Variants in CELF2 observed in about 807,000 individuals in gnomAD.
The protein encoded by CELF2 is CUGBP Elav-like family member 2.
CELF2 carries 8 observed loss-of-function variants against 62.6 expected under a neutral mutation model. The ratio of observed to expected loss-of-function variants is 0.13; its 90% CI spans 0.07 to 0.23. The LOEUF (loss-of-function observed/expected upper bound fraction) is 0.23, where lower values mean the gene tolerates loss of function less well. Ranked by LOEUF, CELF2 falls within the 10% of genes least tolerant of loss-of-function variation. CELF2 has a pLI of 1.00. For synonymous variants in CELF2, 258 were observed against 250.0 expected, an observed-to-expected ratio of 1.03 and a Z score of -0.30; for missense variants, 333 against 671.0, an observed-to-expected ratio of 0.50 and a Z score of 5.56.
Position 11,285,143 on chromosome 10 carries a change from GGATGGATGGATGGGCA to G in CELF2, c.842-3271_842-3256del, listed in dbSNP as rs2090790660. ...ATGATGGATATATGGATGGATGGTT[GGATGGATGGATGGGCA>G]GATAGATGGACGAGCAAATATGGAT... On this transcript the variant is annotated intron_variant, in intron 8 of 12. Transcript: ENST00000633077. This position sits in a 1 kb window ranked among gnomAD's most constrained non-coding sequence, Gnocchi z 4.3. Among the ~76,000 whole-genome samples the G allele has an allele frequency of 1.3e-5, 2 of 151,712 alleles. No homozygotes were observed. The highest frequency in any genetic ancestry group is 1.3e-4 in the Admixed American group (2 of 15,252).
intron 1 of CELF2, among the ~76,000 whole-genome samples, chr10:11,162,201 C>T (rs1032495306): frequency 9.9e-5 from 15 of 150,796 alleles, no homozygotes; most frequent in Non-Finnish European, 1.8e-4. Flanking sequence ...ATTGAGGCAG[C>T]GCCAGGAGAG....
At chr10:10,834,797 A>C (rs1479845273) in intron 1 of CELF2, among the ~76,000 whole-genome samples, 2 of 152,218 alleles carry the variant, frequency 1.3e-5, no homozygotes, top group Non-Finnish European at 2.9e-5. Flanking sequence ...TAACAGCACG[A>C]GAGGAAGCCA....
chr10:10,712,287 A>G, the CELF2 span, among the ~76,000 whole-genome samples: 5 of 152,124 alleles, frequency 3.3e-5, no homozygotes, highest in African/African-American at 1.2e-4. Context: ...GCTCCTCAGA[A>G]GACACAAGAA....
chr10:10,575,094 C>T, the CELF2 span, among the ~76,000 whole-genome samples: 2 of 152,014 alleles, frequency 1.3e-5, no homozygotes, highest in African/African-American at 2.4e-5. Context: ...TACCTAATAA[C>T]GTCAAGAAAA....
At chr10:10,614,061 C>G in the CELF2 span, among the ~76,000 whole-genome samples, 2 of 152,188 alleles carry the variant, frequency 1.3e-5, no homozygotes, top group Non-Finnish European at 2.9e-5. Flanking sequence ...CTTTGGCCCT[C>G]TCCCCAGCTA....
Position 11,267,245 on chromosome 10 carries a change from A to G in CELF2, c.618+568A>G, listed in dbSNP as rs1335608069. On this transcript the variant is annotated intron_variant, in intron 6 of 12. Coordinates refer to ENST00000633077, the MANE Select transcript of CELF2 (RefSeq NM_001326342.2). The surrounding 1 kb of genome is among the most constrained non-coding windows in gnomAD (Gnocchi z 4.4). ...GAAAATAGGATTTGTCTCCTTCCTT[A>G]AAAAGATGAGCAATAACAAAGAAAC... Among the ~76,000 whole-genome samples, 1 of 152,262 alleles carries G rather than the reference A, an allele frequency of 6.6e-6. No homozygotes were observed. Among genetic ancestry groups the G allele is most frequent in the African/African-American group, 2.4e-5 (1 of 41,474 alleles).
the CELF2 span, among the ~76,000 whole-genome samples, chr10:10,613,324 T>C: frequency 2.0e-5 from 3 of 152,132 alleles, no homozygotes; most frequent in Non-Finnish European, 4.4e-5. Flanking sequence ...TTAAAATGGG[T>C]ATTTACATAT....
chr10:10,500,594 A>G, the CELF2 span, among the ~76,000 whole-genome samples: 3 of 152,218 alleles, frequency 2.0e-5, no homozygotes, highest in Admixed American at 6.5e-5. Context: ...CCCCAGCCAC[A>G]TGGAACTGTG....
At chr10:10,730,218 T>G in the CELF2 span, among the ~76,000 whole-genome samples, 1 of 152,210 alleles carries the variant, frequency 6.6e-6, no homozygotes, top group Admixed American at 6.5e-5. Context: ...GGCTCACACC[T>G]GTAGTCCCAG....
At chr10:10,537,295 T>C in the CELF2 span, among the ~76,000 whole-genome samples, 1 of 152,066 alleles carries the variant, frequency 6.6e-6, no homozygotes, top group Admixed American at 6.5e-5. Context: ...AAGCTGACAG[T>C]CAGTAGCTTT....
rs758533933 is a variant in CELF2, at chr10:11,306,047, G to A, written c.977-8092G>A. The stretch of plus-strand genomic sequence containing the variant: ...GGCACGCCAGCTGGCCTGAACGTCC[G>A]TCGCCTGATTGATAGGTTTTAACCA... On this transcript the variant is annotated intron_variant, in intron 9 of 12. Transcript: ENST00000633077. This position sits in a 1 kb window ranked among gnomAD's most constrained non-coding sequence, Gnocchi z 4.4. 6.6e-6 allele frequency among the ~76,000 whole-genome samples: 1 copy of A among 152,198 alleles called. No homozygotes were observed. Among genetic ancestry groups the A allele is most frequent in the Non-Finnish European group, 1.5e-5 (1 of 68,042 alleles).
chr10:10,631,201 C>T, the CELF2 span, among the ~76,000 whole-genome samples: 1 of 152,166 alleles, frequency 6.6e-6, no homozygotes, highest in Non-Finnish European at 1.5e-5. Context: ...TTAGAATTAA[C>T]AGAGACACCT....
the CELF2 span, among the ~76,000 whole-genome samples, chr10:10,644,767 G>A: frequency 6.6e-6 from 1 of 152,132 alleles, no homozygotes; most frequent in Admixed American, 6.5e-5. Flanking sequence ...CACGTCCTGG[G>A]CTTCCTTGCA....
rs556184538 is a variant in CELF2, at chr10:11,267,034, G to A, written c.618+357G>A. 7.2e-5 allele frequency among the ~76,000 whole-genome samples: 11 copies of A among 152,288 alleles called. No individual in the cohort carries two copies. Among genetic ancestry groups the A allele is most frequent in the East Asian group, 3.9e-4 (2 of 5,194 alleles). Reference sequence around the variant, plus strand: ...ACATTCCCCACACCGGGGTCGGTGCGGATGAAACAGTAACAGCCTCCCACC... The same window carrying A: ...ACATTCCCCACACCGGGGTCGGTGCAGATGAAACAGTAACAGCCTCCCACC... On this transcript the variant is annotated intron_variant, in intron 6 of 12. Coordinates refer to ENST00000633077, the MANE Select transcript of CELF2 (RefSeq NM_001326342.2). This position sits in a 1 kb window ranked among gnomAD's most constrained non-coding sequence, Gnocchi z 4.4.
rs1295185485 is a variant in CELF2, at chr10:11,157,586, T to A, written c.75-7900T>A. Among the ~76,000 whole-genome samples the A allele has an allele frequency of 2.6e-5, 4 of 152,350 alleles. No homozygotes were observed. Among genetic ancestry groups the A allele is most frequent in the Admixed American group, 1.3e-4 (2 of 15,308 alleles). On this transcript the variant is annotated intron_variant, in intron 1 of 12. Coordinates refer to ENST00000633077, the MANE Select transcript of CELF2 (RefSeq NM_001326342.2). This position sits in a 1 kb window ranked among gnomAD's most constrained non-coding sequence, Gnocchi z 4.9. ...TTTATGTTGTGTCCATGTCTGTCTC[T>A]TCTAATTGGCCATGAGCAGCAGAAG...
chr10:10,840,650 G>T (rs1183656090), intron 1 of CELF2, among the ~76,000 whole-genome samples: 1 of 151,930 alleles, frequency 6.6e-6, no homozygotes, highest in African/African-American at 2.4e-5. Context: ...CCAAACTGTG[G>T]CTTGTCTTTT....
At chr10:10,545,174 C>T in the CELF2 span, among the ~76,000 whole-genome samples, 245 of 152,270 alleles carry the variant, frequency 1.6e-3, no homozygotes, top group African/African-American at 5.1e-3. Flanking sequence ...CTATTTTTAA[C>T]GTAAAGATGC....
At chr10:11,127,200 C>T (rs1231163266) in intron 1 of CELF2, among the ~76,000 whole-genome samples, 2 of 152,204 alleles carry the variant, frequency 1.3e-5, no homozygotes, top group African/African-American at 4.8e-5. Flanking sequence ...CGACTGCATT[C>T]ATGTCCCTGT....
At chr10:10,811,954 A>C (rs558578687) in intron 1 of CELF2, among the ~76,000 whole-genome samples, 3 of 152,032 alleles carry the variant, frequency 2.0e-5, no homozygotes, top group African/African-American at 4.8e-5. Flanking sequence ...CCTCTCCCCA[A>C]ATAATGTATT....
Sources: gnomAD v4.1 joint callset for allele counts (sites outside exome capture counted in the v4.1 genomes callset) on GRCh38, gnomAD v4.1.1 for gene constraint, Gnocchi (gnomAD v3.1) non-coding constraint, MANE v1.5 for transcripts, NCBI Gene and HGNC (gene_info 2026-07-23, HGNC 2026-07-21) for gene names.